The following SHTN1 variants were observed in gnomAD, a reference collection of about 807,000 sequenced individuals.
SHTN1 encodes the protein shootin-1.
In SHTN1, 42 loss-of-function variants were observed where a neutral mutation model predicts 83.1. The observed-to-expected ratio is 0.51, with a 90% CI of 0.39 to 0.65. SHTN1 has a LOEUF of 0.65. Ranked by LOEUF, SHTN1 falls within the 30% of genes least tolerant of loss-of-function variation. The pLI, the probability that SHTN1 is intolerant of heterozygous loss-of-function variation, is 0.00. For synonymous variants in SHTN1, 224 were observed against 247.7 expected (o/e 0.90, Z 0.90); for missense variants, 622 against 737.8 (o/e 0.84, Z 1.82).
chr10:116,935,572 T>C (rs1589821584), intron 9 of SHTN1, among the ~76,000 whole-genome samples: 2 of 152,316 alleles, frequency 1.3e-5, no homozygotes, highest in African/African-American at 4.8e-5. Flanking sequence ...TTTGCCAGTA[T>C]TTTATTGGGG....
At chr10:116,998,281 T>C (rs1037125205) in intron 1 of SHTN1, among the ~76,000 whole-genome samples, 2 of 152,214 alleles carry the variant, frequency 1.3e-5, no homozygotes, top group Admixed American at 6.5e-5. Flanking sequence ...TCTTTGGACA[T>C]TGGATGTTCT....
At chr10:116,914,353 T>G (rs1368212988) in intron 13 of SHTN1, among the ~76,000 whole-genome samples, 7 of 152,078 alleles carry the variant, frequency 4.6e-5, no homozygotes, top group African/African-American at 1.4e-4. Context: ...GCGCCTGTAG[T>G]TCCAGCTACT....
chr10:116,954,855 G>A (rs1849919608), intron 4 of SHTN1, among the ~76,000 whole-genome samples: 1 of 152,114 alleles, frequency 6.6e-6, no homozygotes, highest in Non-Finnish European at 1.5e-5. Context: ...AAAAGAGGAA[G>A]GTAGTTTTTA....
Position 116,901,893 on chromosome 10 carries a change from A to G in SHTN1, c.1545T>C (p.Ser515=). The change falls in exon 16 of 17, where the codon AGT becomes AGC. Residue 515 remains serine, a synonymous_variant. Transcript: ENST00000355371. ...KSMPVLGSVS[S]VTKTALNKKT... is the part of the protein sequence containing the mutation. ...TCTTGTTCAAGGCTGTTTTTGTTAC[A>G]CTGGATACAGAACCCAACACTGGCA... 1 of 1,608,326 alleles carries G rather than the reference A, an allele frequency of 6.2e-7. No individual in the cohort carries two copies. The highest frequency in any genetic ancestry group is 8.5e-7 in the Non-Finnish European group (1 of 1,178,068).
chr10:116,960,034 C>A (rs113443494), intron 4 of SHTN1, 102 bp downstream of exon 4: 2 of 657,224 alleles, frequency 3.0e-6, no homozygotes, highest in African/African-American at 1.8e-5. Context: ...AGTAGATAAT[C>A]GATTAGAGAA....
chr10:116,988,224 A>G (rs548208740), intron 1 of SHTN1, among the ~76,000 whole-genome samples: 1 of 152,030 alleles, frequency 6.6e-6, no homozygotes, highest in South Asian at 2.1e-4. Flanking sequence ...GTGAAGAGGT[A>G]TGTGAATATT....
chr10:116,968,554 T>G lies in SHTN1; in HGVS notation c.172+98A>C. On this transcript the variant is annotated intron_variant, in intron 3 of 16. Coordinates refer to ENST00000355371, the MANE Select transcript of SHTN1 (RefSeq NM_001127211.3). ...AAGAAGTCTTGCTTTCTTGATTGTA[T>G]GACCAGGACATTAGCAACTCAATAG... 3 of 787,484 alleles carry G rather than the reference T, an allele frequency of 3.8e-6. No homozygotes were observed. In the Middle Eastern group the frequency reaches 8.2e-4, roughly 215 times the overall value. 48.8% of individuals were successfully genotyped at this position (787,484 alleles called of 1,614,324 possible). A position where few individuals can be genotyped will look rare whatever the true frequency, so the allele number is the denominator to read the frequency against.
At chr10:116,928,010 T>C in intron 10 of SHTN1, 119 bp from the exon 11 acceptor site, 1 of 1,154,490 alleles carries the variant, frequency 8.7e-7, no homozygotes, top group African/African-American at 1.6e-5. Flanking sequence ...AAGGCAAAAT[T>C]AGAAATTTCA....
chr10:116,906,239 T>G (rs1847967585), intron 15 of SHTN1, among the ~76,000 whole-genome samples: 1 of 152,198 alleles, frequency 6.6e-6, no homozygotes, highest in South Asian at 2.1e-4. Flanking sequence ...CACAAAGAGG[T>G]TCAGTAATTT....
At chr10:116,920,669 A>G (rs1848529834) in intron 12 of SHTN1, among the ~76,000 whole-genome samples, 1 of 151,994 alleles carries the variant, frequency 6.6e-6, no homozygotes, top group Non-Finnish European at 1.5e-5. Context: ...TACTGCTCTT[A>G]GGAGAAATGC....
rs564207012 is a variant in SHTN1, at chr10:116,919,725, C to T, written c.1195+1709G>A. Among the ~76,000 whole-genome samples the T allele has an allele frequency of 7.2e-5, 11 of 152,264 alleles. No individual in the cohort carries two copies. The East Asian group carries it at 2.1e-3, about 29-fold the overall frequency. On this transcript the variant is annotated intron_variant, in intron 12 of 16. Coordinates refer to ENST00000355371, the MANE Select transcript of SHTN1 (RefSeq NM_001127211.3). ...ATAGCCAGTAACCAAAGAGCAGGGC[C>T]ACCCAGCAAATCACCAAAGGCGGAA...
intron 16 of SHTN1, among the ~76,000 whole-genome samples, chr10:116,890,925 A>T (rs1390709036): frequency 6.6e-6 from 1 of 152,264 alleles, no homozygotes; most frequent in Non-Finnish European, 1.5e-5. Flanking sequence ...CATCGTTTGC[A>T]TTCAATGAAA....
At chr10:117,018,487 G>T (rs10749233) in intron 2 of SHTN1, among the ~76,000 whole-genome samples, 1 of 147,026 alleles carries the variant, frequency 6.8e-6, no homozygotes, top group African/African-American at 2.5e-5. Flanking sequence ...ATCTGATAAA[G>T]GGTGTATGTG....
intron 2 of SHTN1, among the ~76,000 whole-genome samples, chr10:117,019,834 A>C (rs1186045810): frequency 6.6e-6 from 1 of 151,912 alleles, no homozygotes; most frequent in East Asian, 1.9e-4. Flanking sequence ...CTCAAAAAAA[A>C]AAAAAAGAGA....
intron 2 of SHTN1, among the ~76,000 whole-genome samples, chr10:117,042,508 A>G (rs1360670370): frequency 6.6e-6 from 1 of 152,188 alleles, no homozygotes; most frequent in Non-Finnish European, 1.5e-5. Flanking sequence ...AGATATAAAG[A>G]TAAATACCTC....
intron 1 of SHTN1, among the ~76,000 whole-genome samples, chr10:117,063,211 A>G (rs929820035): frequency 6.6e-6 from 1 of 152,206 alleles, no homozygotes; most frequent in Non-Finnish European, 1.5e-5. Context: ...TCTGTAAACT[A>G]CATTTCCTGT....
chr10:116,911,390 A>C (rs1333903153), intron 14 of SHTN1: 6 of 1,409,008 alleles, frequency 4.3e-6, no homozygotes, highest in East Asian at 2.5e-5. Flanking sequence ...TTTGGGGAGG[A>C]ATTTAGCTTC....
At chr10:116,886,715 AAAAG>A in intron 16 of SHTN1, 149 bp from the exon 17 acceptor site, 1 of 1,092,500 alleles carries the variant, frequency 9.2e-7, no homozygotes, top group Non-Finnish European at 1.3e-6. Context: ...CCAGCCATTT[AAAAG>A]AAAAAATGAA....
chr10:117,053,024 A>AAAAAAAAAAAAAAAAAAAAAAAAAG lies in SHTN1; in HGVS notation c.-188-4515_-188-4514insCTTTTTTTTTTTTTTTTTTTTTTTT, dbSNP rs1554934278. 4.9e-4 allele frequency among the ~76,000 whole-genome samples: 25 copies of AAAAAAAAAAAAAAAAAAAAAAAAAG among 51,336 alleles called. 5 individuals are homozygous for AAAAAAAAAAAAAAAAAAAAAAAAAG. The highest frequency in any genetic ancestry group is 2.8e-3 in the South Asian group (2 of 724). The allele number at this position is 51,336 out of a possible 152,430, so 33.7% of individuals were successfully genotyped here. A position where few individuals can be genotyped will look rare whatever the true frequency, so the allele number is the denominator to read the frequency against. On this transcript the variant is annotated intron_variant, in intron 1 of 17. Transcript: ENST00000392901. ...AACAGAGCAAGACTGTGTCTCAAAA[A>AAAAAAAAAAAAAAAAAAAAAAAAAG]AAAAAAGAATTAAGAATTAAGTTGG...
Sources: allele counts gnomAD v4.1 joint callset (sites outside exome capture counted in the v4.1 genomes callset), GRCh38; gene constraint gnomAD v4.1.1; transcripts MANE v1.5; gene names NCBI Gene and HGNC (gene_info 2026-07-23, HGNC 2026-07-21).